SEMA5A: variants seen among roughly 807,000 people sequenced by gnomAD.
SEMA5A encodes the protein semaphorin-5A.
Under a neutral mutation model 135.5 loss-of-function variants are expected in SEMA5A, and 55 were observed. That is an observed-to-expected ratio of 0.41 (90% CI 0.33 to 0.51). The LOEUF is 0.51. Among genes scored for constraint, SEMA5A ranks in the 20% least tolerant of loss-of-function variants. The pLI, the probability that SEMA5A is intolerant of heterozygous loss-of-function variation, is 0.37. For missense variants in SEMA5A, 1,290 were observed against 1,419.9 expected, an observed-to-expected ratio of 0.91 and a Z score of 1.47; for synonymous variants, 580 against 546.5, an observed-to-expected ratio of 1.06 and a Z score of -0.85.
At chr5:9,485,188 T>C (rs993048367) in intron 1 of SEMA5A, among the ~76,000 whole-genome samples, 10 of 151,898 alleles carry the variant, frequency 6.6e-5, no homozygotes, top group South Asian at 2.1e-4. Context: ...GAGATCTGCC[T>C]CTAGGTGGGA....
intron 4 of SEMA5A, among the ~76,000 whole-genome samples, chr5:9,322,319 A>G (rs1033785197): frequency 6.6e-6 from 1 of 152,036 alleles, no homozygotes; most frequent in Non-Finnish European, 1.5e-5. Context: ...CCTTCCAATC[A>G]TCTCATCAGT....
At chr5:9,193,016 A>G (rs559783260) in intron 10 of SEMA5A, among the ~76,000 whole-genome samples, 2 of 152,302 alleles carry the variant, frequency 1.3e-5, no homozygotes, top group South Asian at 4.2e-4. Context: ...ACGCCTTGTC[A>G]TCTTTATTTA....
intron 8 of SEMA5A, among the ~76,000 whole-genome samples, chr5:9,205,065 TG>T (rs1365028303): frequency 6.6e-6 from 1 of 152,132 alleles, no homozygotes; most frequent in Non-Finnish European, 1.5e-5. Flanking sequence ...TAGGGACCAC[TG>T]CATTACACTA....
chr5:9,505,140 C>CA (rs201153184), intron 1 of SEMA5A, among the ~76,000 whole-genome samples: 12,547 of 140,956 alleles, frequency 0.089, 572 homozygotes, highest in Middle Eastern at 0.15. Flanking sequence ...AATTCTAAAA[C>CA]AAAAAAAAAA....
At chr5:9,100,746 T>G (rs1739583111) in intron 16 of SEMA5A, among the ~76,000 whole-genome samples, 1 of 151,978 alleles carries the variant, frequency 6.6e-6, no homozygotes, top group African/African-American at 2.4e-5. Flanking sequence ...ATGAAGAAAA[T>G]AGTCCAAAAT....
Position 9,042,776 on chromosome 5 carries a change from G to T in SEMA5A, c.*121C>A. 1 of 1,230,058 alleles carries T rather than the reference G, an allele frequency of 8.1e-7. No individual in the cohort carries two copies. The highest frequency in any genetic ancestry group is 1.2e-6 in the Non-Finnish European group (1 of 862,448). 76.2% of individuals were successfully genotyped at this position (1,230,058 alleles called of 1,614,324 possible). A position where few individuals can be genotyped will look rare whatever the true frequency, so the allele number is the denominator to read the frequency against. On this transcript the variant is annotated 3_prime_UTR_variant, in exon 23 of 23. Transcript: ENST00000382496. ...TTGGCAGCAATGGGACACTCTGGTG[G>T]CTTGAAATGCACTTGAAATGTATCC... is the stretch of plus-strand genomic sequence containing the variant.
intron 15 of SEMA5A, among the ~76,000 whole-genome samples, chr5:9,115,434 C>T (rs922336004): frequency 5.3e-5 from 8 of 152,324 alleles, no homozygotes; most frequent in African/African-American, 1.7e-4. Flanking sequence ...ACAGTGATTC[C>T]TTCATAATTT....
chr5:9,306,823 A>G (rs1452451918), intron 5 of SEMA5A, among the ~76,000 whole-genome samples: 1 of 152,334 alleles, frequency 6.6e-6, no homozygotes, highest in Non-Finnish European at 1.5e-5. Flanking sequence ...TTTTAAATCA[A>G]TGAAAGAACA....
intron 4 of SEMA5A, among the ~76,000 whole-genome samples, chr5:9,325,223 T>C (rs1752815970): frequency 6.7e-6 from 1 of 149,324 alleles, no homozygotes; most frequent in African/African-American, 2.6e-5. Flanking sequence ...TTTTTCTGCC[T>C]GTGGTATGGA....
At chr5:9,110,942 G>A (rs1342065040) in intron 15 of SEMA5A, among the ~76,000 whole-genome samples, 2 of 152,178 alleles carry the variant, frequency 1.3e-5, no homozygotes, top group African/African-American at 4.8e-5. Context: ...CTAGATAGGA[G>A]AGACAAGACA....
At chr5:9,051,665 C>T (rs190770412) in intron 20 of SEMA5A, among the ~76,000 whole-genome samples, 16 of 152,238 alleles carry the variant, frequency 1.1e-4, no homozygotes, top group African/African-American at 3.6e-4. Flanking sequence ...GACACTTTTC[C>T]TAAGAAATCT....
chr5:9,471,681 T>C (rs1312671717), intron 1 of SEMA5A, among the ~76,000 whole-genome samples: 1 of 152,228 alleles, frequency 6.6e-6, no homozygotes, highest in Non-Finnish European at 1.5e-5. Flanking sequence ...AGTTTATAAG[T>C]CAATGTTTGT....
intron 17 of SEMA5A, among the ~76,000 whole-genome samples, 198 bp from the exon 18 acceptor site, chr5:9,063,303 A>G (rs1426130369): frequency 6.6e-6 from 1 of 152,204 alleles, no homozygotes; most frequent in Non-Finnish European, 1.5e-5. Context: ...GTTTCCTGCA[A>G]TTACTATGAA....
At chr5:9,085,304 G>A (rs1457234841) in intron 16 of SEMA5A, among the ~76,000 whole-genome samples, 2 of 152,202 alleles carry the variant, frequency 1.3e-5, no homozygotes, top group Admixed American at 1.3e-4. Flanking sequence ...TGGGGGAAGT[G>A]TCTCCAGGGC....
intron 5 of SEMA5A, among the ~76,000 whole-genome samples, chr5:9,296,623 G>A (rs1392738573): frequency 1.3e-5 from 2 of 151,882 alleles, no homozygotes; most frequent in African/African-American, 4.8e-5. Context: ...AGCTTAATTT[G>A]GTTACCTGTT....
At chr5:9,463,818 T>C (rs977287835) in intron 1 of SEMA5A, among the ~76,000 whole-genome samples, 14 of 152,200 alleles carry the variant, frequency 9.2e-5, no homozygotes, top group African/African-American at 3.1e-4. Context: ...TAGCCTGGAA[T>C]GTGTTCTCAT....
At chr5:9,045,262 C>T (rs1398922952) in intron 21 of SEMA5A, among the ~76,000 whole-genome samples, 1 of 152,176 alleles carries the variant, frequency 6.6e-6, no homozygotes, top group African/African-American at 2.4e-5. Flanking sequence ...AAAGTTTATT[C>T]ATGCACCTCA....
At chr5:9,097,506 T>C (rs1739385044) in intron 16 of SEMA5A, among the ~76,000 whole-genome samples, 1 of 152,230 alleles carries the variant, frequency 6.6e-6, no homozygotes, top group East Asian at 1.9e-4. Flanking sequence ...TTCAATTCTC[T>C]ACTTACTTCA....
chr5:9,175,117 G>T (rs1168568351), intron 11 of SEMA5A, among the ~76,000 whole-genome samples: 1 of 152,102 alleles, frequency 6.6e-6, no homozygotes, highest in Non-Finnish European at 1.5e-5. Context: ...GCAGCAAGTG[G>T]GGGTGTGGTA....
Sources: allele counts gnomAD v4.1 joint callset (sites outside exome capture counted in the v4.1 genomes callset), GRCh38; gene constraint gnomAD v4.1.1; transcripts MANE v1.5; gene names NCBI Gene and HGNC (gene_info 2026-07-23, HGNC 2026-07-21).